The following JARID2 variants were observed in gnomAD, a reference collection of about 807,000 sequenced individuals.
JARID2 encodes the protein protein Jumonji.
A neutral mutation model predicts 125.6 loss-of-function variants in JARID2; 21 were observed. The observed-to-expected ratio is 0.17, with a 90% CI of 0.12 to 0.24. The LOEUF is 0.24. Among genes scored for constraint, JARID2 ranks in the 10% least tolerant of loss-of-function variants. The pLI is 1.00. For synonymous variants in JARID2, 736 were observed against 661.6 expected (o/e 1.11, Z -1.73); for missense variants, 1,303 against 1,639.6 (o/e 0.79, Z 3.55).
At chr6:15,446,780 G>A (rs954348878) in intron 3 of JARID2, among the ~76,000 whole-genome samples, 1 of 152,194 alleles carries the variant, frequency 6.6e-6, no homozygotes, top group African/African-American at 2.4e-5. Flanking sequence ...GAGCTCCTTG[G>A]CCTGGCAGGT....
At chr6:15,299,657 C>T (rs1470392202) in intron 1 of JARID2, among the ~76,000 whole-genome samples, 1 of 152,088 alleles carries the variant, frequency 6.6e-6, no homozygotes, top group Non-Finnish European at 1.5e-5. Context: ...TCTCAGTTCC[C>T]TTTCTCCAGC....
intron 8 of JARID2, among the ~76,000 whole-genome samples, chr6:15,501,628 C>T (rs1194775223): frequency 6.6e-6 from 1 of 152,112 alleles, no homozygotes; most frequent in African/African-American, 2.4e-5. Flanking sequence ...GTACTGGCTC[C>T]TGGTTGTGGA....
intron 1 of JARID2, among the ~76,000 whole-genome samples, chr6:15,283,194 G>A (rs925232113): frequency 3.4e-5 from 5 of 147,418 alleles, no homozygotes; most frequent in Admixed American, 6.8e-5. Context: ...TAGCCAGGAC[G>A]GTCTCGATCT....
chr6:15,506,628 C>T (rs190252710), intron 9 of JARID2, among the ~76,000 whole-genome samples: 17 of 152,300 alleles, frequency 1.1e-4, no homozygotes, highest in Middle Eastern at 3.4e-3. Context: ...GCCTGGGCAC[C>T]GCTGCTTGCC....
chr6:15,453,225 CAAA>C (rs1177873194), intron 4 of JARID2, among the ~76,000 whole-genome samples: 255 of 152,312 alleles, frequency 1.7e-3, no homozygotes, highest in African/African-American at 5.9e-3. Flanking sequence ...AAGTTTAGAG[CAAA>C]AGGACCCAGT....
chr6:15,354,185 T>C (rs1367255271), intron 1 of JARID2, among the ~76,000 whole-genome samples: 18 of 152,098 alleles, frequency 1.2e-4, no homozygotes, highest in Admixed American at 9.2e-4. Flanking sequence ...TGGCTCACTG[T>C]CAGAGCAAAA....
At chr6:15,518,221 G>A in intron 17 of JARID2, among the ~76,000 whole-genome samples, 1 of 152,210 alleles carries the variant, frequency 6.6e-6, no homozygotes, top group East Asian at 1.9e-4. Context: ...TTGTGGGGGT[G>A]CAGGCGGCGG....
At chr6:15,275,256 CTT>C (rs1279219355) in intron 1 of JARID2, among the ~76,000 whole-genome samples, 2 of 152,266 alleles carry the variant, frequency 1.3e-5, no homozygotes, top group African/African-American at 4.8e-5. Context: ...AGCTGGAAAA[CTT>C]TGTCCTGACC....
In JARID2 at chr6:15,384,687, C is replaced by A. The variant is rs537643957; in HGVS notation, c.181+10435C>A. 7.0e-4 allele frequency among the ~76,000 whole-genome samples: 106 copies of A among 152,264 alleles called. 1 individual carries two copies. The highest frequency in any genetic ancestry group is 1.3e-3 in the Non-Finnish European group (90 of 68,018). On this transcript the variant is annotated intron_variant, in intron 2 of 17. Coordinates refer to ENST00000341776, the MANE Select transcript of JARID2 (RefSeq NM_004973.4). ...CTCACTGCAGCCTGGGCTCCTTCCCCATTTAACATCCCGCCCCAACCCCCC... is the reference window on the plus strand; with the variant it reads ...CTCACTGCAGCCTGGGCTCCTTCCCAATTTAACATCCCGCCCCAACCCCCC...
chr6:15,472,373 C>T (rs769263924), intron 5 of JARID2, among the ~76,000 whole-genome samples: 13 of 152,164 alleles, frequency 8.5e-5, no homozygotes, highest in Non-Finnish European at 1.8e-4. Context: ...ACTAACTTCA[C>T]TGAAATGTAC....
chr6:15,352,507 ATGGCC>A (rs1763465001), intron 1 of JARID2, among the ~76,000 whole-genome samples: 1 of 152,220 alleles, frequency 6.6e-6, no homozygotes, highest in South Asian at 2.1e-4. Flanking sequence ...GGCTCCAAGC[ATGGCC>A]TGGGAGGTCT....
chr6:15,398,135 A>G (rs1765286944), intron 2 of JARID2, among the ~76,000 whole-genome samples: 3 of 151,988 alleles, frequency 2.0e-5, no homozygotes, highest in East Asian at 1.9e-4. Context: ...TGTTTATGTT[A>G]TAATATTAAA....
At chr6:15,477,176 G>A (rs1222274375) in intron 5 of JARID2, among the ~76,000 whole-genome samples, 4 of 151,976 alleles carry the variant, frequency 2.6e-5, no homozygotes, top group East Asian at 1.9e-4. Flanking sequence ...GATTCATACC[G>A]GGGGCATGTT....
intron 16 of JARID2, 107 bp from the exon 17 acceptor site, chr6:15,517,054 C>A: frequency 1.3e-6 from 1 of 761,368 alleles, no homozygotes; most frequent in Non-Finnish European, 2.3e-6. Flanking sequence ...TACTCTGGCG[C>A]GGGCAGTGGG....
intron 1 of JARID2, among the ~76,000 whole-genome samples, chr6:15,354,360 A>G (rs1204396200): frequency 6.6e-6 from 1 of 152,234 alleles, no homozygotes; most frequent in Non-Finnish European, 1.5e-5. Flanking sequence ...CACCACCAGC[A>G]CAGTGAAACT....
intron 1 of JARID2, among the ~76,000 whole-genome samples, chr6:15,326,699 C>T (rs1762544156): frequency 6.6e-6 from 1 of 152,184 alleles, no homozygotes; most frequent in African/African-American, 2.4e-5. Flanking sequence ...CATGGTTTCA[C>T]CATGTTGGCC....
chr6:15,336,865 C>A (rs1006130501), intron 1 of JARID2, among the ~76,000 whole-genome samples: 1 of 152,076 alleles, frequency 6.6e-6, no homozygotes, highest in Non-Finnish European at 1.5e-5. Context: ...TACTGTAATT[C>A]TGTTGCGCAG....
intron 3 of JARID2, among the ~76,000 whole-genome samples, chr6:15,418,284 C>G (rs1026346765): frequency 5.7e-5 from 8 of 140,578 alleles, no homozygotes; most frequent in African/African-American, 2.2e-4. Context: ...GTGGCATGAT[C>G]TCGTCTCACT....
intron 3 of JARID2, among the ~76,000 whole-genome samples, chr6:15,443,509 G>A (rs1767533811): frequency 6.6e-6 from 1 of 152,090 alleles, no homozygotes; most frequent in African/African-American, 2.4e-5. Flanking sequence ...GTGCTAGGTG[G>A]TAGTACTAGC....
Sources: gnomAD v4.1 joint callset for allele counts (sites outside exome capture counted in the v4.1 genomes callset) on GRCh38, gnomAD v4.1.1 for gene constraint, MANE v1.5 for transcripts, NCBI Gene and HGNC (gene_info 2026-07-23, HGNC 2026-07-21) for gene names.